The following CNTN5 variants were observed in gnomAD, a reference collection of about 807,000 sequenced individuals.
CNTN5 encodes the protein contactin 5.
A neutral mutation model predicts 129.1 loss-of-function variants in CNTN5; 77 were observed. That is an observed-to-expected ratio of 0.60 (90% CI 0.50 to 0.72). The LOEUF is 0.72. CNTN5 is among the 30% of genes least tolerant of loss of function. CNTN5 has a pLI of 0.00. For missense variants in CNTN5, 1,478 were observed against 1,328.8 expected, an observed-to-expected ratio of 1.11 and a Z score of -1.75; for synonymous variants, 509 against 465.6, an observed-to-expected ratio of 1.09 and a Z score of -1.20.
chr11:99,271,459 G>T (rs1863167810), intron 1 of CNTN5, among the ~76,000 whole-genome samples: 1 of 151,818 alleles, frequency 6.6e-6, no homozygotes, highest in Non-Finnish European at 1.5e-5. Context: ...AATTATCAGT[G>T]CAATTTAGAC....
chr11:99,328,610 C>G (rs977436908), intron 2 of CNTN5, among the ~76,000 whole-genome samples: 9 of 151,900 alleles, frequency 5.9e-5, no homozygotes, highest in Non-Finnish European at 1.2e-4. Flanking sequence ...GTAGTTCACA[C>G]CTGTAATCCC....
chr11:99,727,580 T>A (rs1943394721), intron 3 of CNTN5, among the ~76,000 whole-genome samples: 1 of 139,150 alleles, frequency 7.2e-6, no homozygotes, highest in Admixed American at 7.5e-5. Context: ...CAAGTAGAAC[T>A]TAAATTACTA....
At chr11:99,893,010 G>A (rs977383661) in intron 6 of CNTN5, among the ~76,000 whole-genome samples, 3 of 152,066 alleles carry the variant, frequency 2.0e-5, no homozygotes, top group African/African-American at 7.2e-5. Context: ...AGCATTAAGT[G>A]CTCTATTTGG....
intron 3 of CNTN5, among the ~76,000 whole-genome samples, chr11:99,612,023 C>T (rs1011223493): frequency 3.9e-5 from 6 of 152,116 alleles, no homozygotes; most frequent in African/African-American, 1.4e-4. Context: ...TTCAAGGGCT[C>T]ACTAGAGCCA....
chr11:99,814,215 T>C (rs1946514223), intron 3 of CNTN5, among the ~76,000 whole-genome samples: 2 of 152,122 alleles, frequency 1.3e-5, no homozygotes, highest in Admixed American at 6.6e-5. Flanking sequence ...ACATCATTCA[T>C]GTGACTCAGC....
intron 3 of CNTN5, among the ~76,000 whole-genome samples, chr11:99,592,207 C>T (rs1391547086): frequency 6.6e-6 from 1 of 152,162 alleles, no homozygotes; most frequent in East Asian, 1.9e-4. Flanking sequence ...ACAAAGTTGA[C>T]TGTTTTCAAG....
intron 2 of CNTN5, among the ~76,000 whole-genome samples, chr11:99,521,767 A>T (rs1947284017): frequency 6.6e-6 from 1 of 152,206 alleles, no homozygotes; most frequent in South Asian, 2.1e-4. Context: ...CTAGAGCATC[A>T]GTAATCAGTC....
At chr11:99,829,997 T>C (rs1387647211) in intron 4 of CNTN5, among the ~76,000 whole-genome samples, 1 of 152,180 alleles carries the variant, frequency 6.6e-6, no homozygotes. Flanking sequence ...GGAGTAAACT[T>C]AATTAAGTGT....
intron 8 of CNTN5, among the ~76,000 whole-genome samples, chr11:99,991,986 A>C (rs568477895): frequency 3.3e-4 from 50 of 152,314 alleles, no homozygotes; most frequent in African/African-American, 9.6e-4. Context: ...TCACATCGTC[A>C]TTGAATATAG....
intron 1 of CNTN5, among the ~76,000 whole-genome samples, chr11:99,032,098 A>T (rs555941299): frequency 6.6e-6 from 1 of 152,114 alleles, no homozygotes; most frequent in Admixed American, 6.5e-5. Flanking sequence ...ACATGAACTC[A>T]TCCTTTTTTA....
At chr11:99,166,317 T>C (rs1353240277) in intron 1 of CNTN5, among the ~76,000 whole-genome samples, 1 of 149,068 alleles carries the variant, frequency 6.7e-6, no homozygotes, top group Non-Finnish European at 1.5e-5. Flanking sequence ...CAGAAGAACC[T>C]CTTGAACCAG....
intron 7 of CNTN5, among the ~76,000 whole-genome samples, chr11:99,925,969 G>T (rs1308427487): frequency 5.9e-5 from 9 of 152,044 alleles, no homozygotes; most frequent in Non-Finnish European, 1.3e-4. Flanking sequence ...TCTCATCCTG[G>T]CTCTGACATT....
chr11:99,075,794 TGTTCACCAA>T (rs1865540242), intron 1 of CNTN5, among the ~76,000 whole-genome samples: 1 of 152,222 alleles, frequency 6.6e-6, no homozygotes, highest in African/African-American at 2.4e-5. Flanking sequence ...GTAACAACTT[TGTTCACCAA>T]GTTAAGACTG....
Position 99,043,493 on chromosome 11 carries a change from G to A in CNTN5, c.-210+22223G>A, listed in dbSNP as rs928031766. 1.6e-4 allele frequency among the ~76,000 whole-genome samples: 25 copies of A among 152,178 alleles called. No individual in the cohort carries two copies. In the South Asian group the frequency reaches 1.9e-3, roughly 11 times the overall value. On this transcript the variant is annotated intron_variant, in intron 1 of 24. Coordinates refer to ENST00000524871, the MANE Select transcript of CNTN5 (RefSeq NM_014361.4). ...AAGATCTGGTGGGATATACTTAACC[G>A]AATAACAGTAGAATATATAATGCCT...
intron 8 of CNTN5, among the ~76,000 whole-genome samples, chr11:99,998,151 G>C (rs7115678): frequency 0.17 from 25,589 of 150,992 alleles, 1,951 homozygotes; most frequent in East Asian, 0.18. Context: ...GAAGTTCTGG[G>C]CAGGGCAATC....
At chr11:99,786,295 C>T (rs567747235) in intron 3 of CNTN5, among the ~76,000 whole-genome samples, 5 of 152,082 alleles carry the variant, frequency 3.3e-5, no homozygotes, top group African/African-American at 1.2e-4. Flanking sequence ...ATCCAACTTA[C>T]AAGGGATGTG....
At chr11:99,611,452 C>T (rs1950590589) in intron 3 of CNTN5, among the ~76,000 whole-genome samples, 1 of 152,106 alleles carries the variant, frequency 6.6e-6, no homozygotes, top group Admixed American at 6.5e-5. Flanking sequence ...CACAGTCCTT[C>T]TAGTATTTAT....
In CNTN5 at chr11:100,061,213, C is replaced by G. The variant is rs201910584; in HGVS notation, c.982C>G (p.Pro328Ala). The change falls in exon 10 of 25, where the codon CCC (proline) becomes GCC (alanine). Residue 328 changes from proline to alanine, a missense_variant and splice_region_variant. Pro to Ala is a conservative substitution (Grantham distance 27). Transcript: ENST00000524871. ...VKMECFALGN[P>A]VPTITWMKVN... The stretch of plus-strand genomic sequence containing the variant: ...CAGTATTTTTGTTCCCTATCGTAGC[C>G]CCGTTCCAACAATCACATGGATGAA... 9.3e-4 allele frequency: 1,496 copies of G among 1,605,812 alleles called. 5 individuals are homozygous for G. The highest frequency in any genetic ancestry group is 2.1e-3 in the South Asian group (193 of 90,666).
intron 2 of CNTN5, among the ~76,000 whole-genome samples, chr11:99,549,873 C>A (rs1349728063): frequency 6.6e-6 from 1 of 152,020 alleles, no homozygotes; most frequent in Admixed American, 6.6e-5. Context: ...TTCCAGTATC[C>A]ATTAATTATA....
Sources: allele counts gnomAD v4.1 joint callset (sites outside exome capture counted in the v4.1 genomes callset), GRCh38; gene constraint gnomAD v4.1.1; transcripts MANE v1.5; gene names NCBI Gene and HGNC (gene_info 2026-07-23, HGNC 2026-07-21).